Variants in TVP23A observed in about 807,000 individuals in gnomAD.
The protein encoded by TVP23A is trans-golgi network vesicle protein 23 homolog A, also known as Golgi apparatus membrane protein TVP23 homolog A.
A neutral mutation model predicts 31.7 loss-of-function variants in TVP23A; 21 were observed. The observed-to-expected ratio is 0.66, with a 90% confidence interval of 0.47 to 0.95. TVP23A has a LOEUF of 0.95. Ranked by LOEUF, TVP23A falls within the 40% of genes least tolerant of loss-of-function variation. TVP23A has a pLI of 0.00. For missense variants in TVP23A, 279 were observed against 255.6 expected (o/e 1.09, Z -0.62); for synonymous variants, 104 against 96.0 (o/e 1.08, Z -0.49).
chr16:10,763,213 G>T (rs1014290895), downstream of TVP23A, among the ~76,000 whole-genome samples: 1 of 152,114 alleles, frequency 6.6e-6, no homozygotes, highest in African/African-American at 2.4e-5. Context: ...AGGTTCTGGG[G>T]TCCGTCAGGA....
chr16:10,811,513 A>C (rs1335106214), intron 2 of TVP23A, among the ~76,000 whole-genome samples: 1 of 151,858 alleles, frequency 6.6e-6, no homozygotes, highest in East Asian at 1.9e-4. Flanking sequence ...CAAGCAATCC[A>C]CCTGACTCAG....
chr16:10,769,352 T>TC, intron 7 of TVP23A: 1 of 429,594 alleles, frequency 2.3e-6, no homozygotes, highest in Non-Finnish European at 4.1e-6. Flanking sequence ...CTCAAATCTC[T>TC]CCCCCGAGGC....
exon 9 of TVP23A, chr16:10,761,484 C>T (rs2233539): frequency 0.25 from 397,712 of 1,607,082 alleles, 53,413 homozygotes; most frequent in Admixed American, 0.48. Context: ...GGTGAGGGCG[C>T]GTGGGGCTGC....
chr16:10,776,949 G>A (rs1015281858), intron 2 of TVP23A, among the ~76,000 whole-genome samples: 3 of 152,106 alleles, frequency 2.0e-5, no homozygotes, highest in East Asian at 1.9e-4. Context: ...GGTTTTAGCC[G>A]GCTTTTTTAC....
At chr16:10,810,101 A>C (rs2034126206) in intron 2 of TVP23A, among the ~76,000 whole-genome samples, 1 of 152,212 alleles carries the variant, frequency 6.6e-6, no homozygotes, top group South Asian at 2.1e-4. Context: ...TGAACCTGGA[A>C]AATATGCTAA....
At chr16:10,791,253 T>C (rs1212059799) in intron 2 of TVP23A, among the ~76,000 whole-genome samples, 2 of 152,196 alleles carry the variant, frequency 1.3e-5, no homozygotes, top group Non-Finnish European at 2.9e-5. Flanking sequence ...CAGACGAATG[T>C]TTTTCCCCAT....
chr16:10,818,656 T>G lies in TVP23A; in HGVS notation c.-163A>C. 1.2e-6 allele frequency: 1 copy of G among 851,906 alleles called. No homozygotes were observed. Among genetic ancestry groups the G allele is most frequent in the Admixed American group, 3.9e-5 (1 of 25,974 alleles). The allele number at this position is 851,906 out of a possible 1,614,324, so 52.8% of individuals were successfully genotyped here. On this transcript the variant is annotated 5_prime_UTR_variant, in exon 1 of 8. Coordinates refer to ENST00000299866, the MANE Select transcript of TVP23A (RefSeq NM_001079512.4). The surrounding 1 kb of genome is among the most constrained non-coding windows in gnomAD (Gnocchi z 4.7). The stretch of plus-strand genomic sequence containing the variant: ...GGCAGCCTCAGCGCAGCTTCTCGGG[T>G]GGGGCGGGGCGCTCGGGGCCTAAGG...
At chr16:10,806,983 G>A (rs2033976108) in intron 2 of TVP23A, among the ~76,000 whole-genome samples, 1 of 152,116 alleles carries the variant, frequency 6.6e-6, no homozygotes, top group African/African-American at 2.4e-5. Flanking sequence ...TATTTTCCTT[G>A]GTAATCATGG....
intron 2 of TVP23A, among the ~76,000 whole-genome samples, chr16:10,812,822 G>A (rs1596583453): frequency 6.6e-6 from 1 of 151,836 alleles, no homozygotes; most frequent in African/African-American, 2.4e-5. Flanking sequence ...GACTATACTT[G>A]AACTACTAAA....
chr16:10,758,978 C>A (rs1197474993), downstream of TVP23A, among the ~76,000 whole-genome samples: 1 of 152,144 alleles, frequency 6.6e-6, no homozygotes, highest in Admixed American at 6.5e-5. Flanking sequence ...ATCTCAGGGG[C>A]CTGAGAAACT....
At chr16:10,769,195 G>T in intron 7 of TVP23A, 94 bp from the exon 8 acceptor site, 1 of 1,182,406 alleles carries the variant, frequency 8.5e-7, no homozygotes, top group South Asian at 1.3e-5. Flanking sequence ...CCGGGATGGG[G>T]TGGGTCACAG....
intron 2 of TVP23A, among the ~76,000 whole-genome samples, chr16:10,790,536 C>T (rs1044254772): frequency 1.3e-5 from 2 of 152,122 alleles, no homozygotes; most frequent in Admixed American, 6.6e-5. Context: ...CCGCCCGCCT[C>T]GGGCTCCCAA....
chr16:10,764,541 G>C (rs978080719), downstream of TVP23A, among the ~76,000 whole-genome samples: 2 of 151,072 alleles, frequency 1.3e-5, no homozygotes, highest in African/African-American at 4.9e-5. Flanking sequence ...CATTCTGCTG[G>C]AGTATTTGTC....
intron 2 of TVP23A, among the ~76,000 whole-genome samples, chr16:10,791,580 C>T (rs1488832043): frequency 6.6e-6 from 1 of 152,186 alleles, no homozygotes; most frequent in Non-Finnish European, 1.5e-5. Flanking sequence ...TCGGACCAGG[C>T]ATGTCCAACA....
chr16:10,771,841 C>CA (rs772411270), intron 5 of TVP23A, 43 bp from the exon 6 acceptor site: 4 of 1,545,456 alleles, frequency 2.6e-6, no homozygotes, highest in East Asian at 2.5e-5. Flanking sequence ...TTTTTTGAGA[C>CA]AGAGTTTCGC....
intron 7 of TVP23A, 68 bp downstream of exon 7, chr16:10,770,204 T>C: frequency 6.5e-7 from 1 of 1,538,132 alleles, no homozygotes; most frequent in Non-Finnish European, 8.8e-7. Context: ...CGGGCCCCTG[T>C]GCCCCAAGAG....
chr16:10,800,388 C>T (rs529285193), intron 2 of TVP23A: 2 of 152,226 alleles, frequency 1.3e-5, no homozygotes, highest in South Asian at 4.2e-4. Flanking sequence ...TTATTTTTGA[C>T]CATTTTAATA....
At position 10,768,120 on chromosome 16, in the gene TVP23A, G is replaced by C. The variant is rs1353110962; in HGVS notation, c.*982C>G. On this transcript the variant is annotated 3_prime_UTR_variant, in exon 8 of 8. Coordinates refer to ENST00000299866, the MANE Select transcript of TVP23A (RefSeq NM_001079512.4). The surrounding 1 kb of genome is among the most constrained non-coding windows in gnomAD (Gnocchi z 4.3). ...CAGGGGTGTGGAAGGACAGGTGGGT[G>C]GTGGGGTCTGTGATGACCACAGAGT... is the stretch of plus-strand genomic sequence containing the variant. 3 of 1,293,868 alleles carry C rather than the reference G, an allele frequency of 2.3e-6. No individual in the cohort carries two copies. Among genetic ancestry groups the C allele is most frequent in the East Asian group, 2.3e-5 (1 of 43,002 alleles). 80.1% of individuals were successfully genotyped at this position (1,293,868 alleles called of 1,614,324 possible).
intron 3 of TVP23A, 108 bp from the exon 4 acceptor site, chr16:10,774,236 A>G (rs1460327453): frequency 5.2e-6 from 4 of 767,574 alleles, no homozygotes; most frequent in Non-Finnish European, 8.1e-6. Flanking sequence ...TACTGGGAGC[A>G]GGAAGAAAAA....
Sources: allele counts gnomAD v4.1 joint callset (sites outside exome capture counted in the v4.1 genomes callset), GRCh38; gene constraint gnomAD v4.1.1; non-coding constraint Gnocchi (gnomAD v3.1); transcripts MANE v1.5; gene names NCBI Gene and HGNC (gene_info 2026-07-23, HGNC 2026-07-21).